Variants in CDS2 observed in about 807,000 individuals in gnomAD.
CDS2 encodes phosphatidate cytidylyltransferase 2.
A neutral mutation model predicts 59.0 loss-of-function variants in CDS2; 47 were observed. The ratio of observed to expected loss-of-function variants is 0.80; its 90% CI spans 0.63 to 1.02. The LOEUF is 1.02. Ranked by LOEUF, CDS2 falls within the 50% of genes least tolerant of loss-of-function variation. The pLI is 0.00. For synonymous variants in CDS2, 207 were observed against 206.4 expected (o/e 1.00, Z -0.02); for missense variants, 356 against 558.9 (o/e 0.64, Z 3.66).
At position 5,188,983 on chromosome 20, in the gene CDS2, T is replaced by A. The variant is rs2091091640; in HGVS notation, c.982-84T>A. ...CCTCCCAGTGAGGCCACAATGAGGA[T>A]CAAATTTCAACATGAGTTGACAACT... On this transcript the variant is annotated intron_variant, in intron 10 of 12. Transcript: ENST00000460006. The A allele has an allele frequency of 3.8e-6, 6 of 1,568,364 alleles. No homozygotes were observed. The Admixed American group carries it at 1.0e-4, about 26-fold the overall frequency.
Position 5,189,844 on chromosome 20 carries a change from G to T in CDS2, c.1205+6G>T, listed in dbSNP as rs201885771. Reference sequence around the variant, plus strand: ...TACATCGCCAGTTTTATCAGGTATAGTACCTTTCCATCTGAACCAAGTTGG... The same window carrying T: ...TACATCGCCAGTTTTATCAGGTATATTACCTTTCCATCTGAACCAAGTTGG... On this transcript the variant is annotated splice_donor_region_variant and intron_variant, in intron 12 of 12. Transcript: ENST00000460006. 1 of 1,602,924 alleles carries T rather than the reference G, an allele frequency of 6.2e-7. No individual in the cohort carries two copies. The highest frequency in any genetic ancestry group is 1.1e-5 in the South Asian group (1 of 90,232).
chr20:5,184,798 G>A lies in CDS2; in HGVS notation c.672-60G>A. 8.2e-7 allele frequency: 1 copy of A among 1,217,266 alleles called. No homozygotes were observed. Among genetic ancestry groups the A allele is most frequent in the South Asian group, 1.2e-5 (1 of 82,494 alleles). The allele number at this position is 1,217,266 out of a possible 1,614,324, so 75.4% of individuals were successfully genotyped here. On this transcript the variant is annotated intron_variant, in intron 7 of 12. Transcript: ENST00000460006. This position sits in a 1 kb window ranked among gnomAD's most constrained non-coding sequence, Gnocchi z 4.3. ...TGGAATTTAAGAATGGCACTATTTTGTGTACTTTTGAGGTACTGTCACCTT... is the reference window on the plus strand; with the variant it reads ...TGGAATTTAAGAATGGCACTATTTTATGTACTTTTGAGGTACTGTCACCTT...
rs1224044093 is a variant in CDS2 at position 5,178,877 on chromosome 20, C to T, written c.450C>T (p.Phe150=). The part of the protein sequence containing the change: ...FYGETVTDYF[F]TLVQREEPLR... Reference sequence around the variant, plus strand: ...GTGAGACAGTGACGGATTACTTCTTCACCCTGGTCCAGAGAGAAGAGCCTT... The same window carrying T: ...GTGAGACAGTGACGGATTACTTCTTTACCCTGGTCCAGAGAGAAGAGCCTT... Residue 150 remains phenylalanine, a synonymous_variant, in exon 5 of 13, where the codon TTC becomes TTT. Coordinates refer to ENST00000460006, the MANE Select transcript of CDS2 (RefSeq NM_003818.4). 2 of 1,614,072 alleles carry T rather than the reference C, an allele frequency of 1.2e-6. No homozygotes were observed. The highest frequency in any genetic ancestry group is 1.7e-5 in the Admixed American group (1 of 60,030).
In CDS2 at chr20:5,194,282, G is replaced by T; in HGVS notation, c.*4048G>T. 1 of 152,448 alleles carries T rather than the reference G, an allele frequency of 6.6e-6. No homozygotes were observed. The allele number at this position is 152,448 out of a possible 1,614,324, so 9.4% of individuals were successfully genotyped here. A position where few individuals can be genotyped will look rare whatever the true frequency, so the allele number is the denominator to read the frequency against. ...CTGACTCAGTTTCTCTTGTTGGGTGGGGGCCTTGTGCCACAACCTGCATGG... is the reference window on the plus strand; with the variant it reads ...CTGACTCAGTTTCTCTTGTTGGGTGTGGGCCTTGTGCCACAACCTGCATGG... On this transcript the variant is annotated 3_prime_UTR_variant, in exon 13 of 13. Transcript: ENST00000460006.
intron 8 of CDS2, 146 bp downstream of exon 8, chr20:5,185,091 A>G (rs2091057742): frequency 6.1e-6 from 4 of 660,798 alleles, no homozygotes; most frequent in Middle Eastern, 2.5e-4. Context: ...AGGCCAAAGG[A>G]AAACACTGAC....
intron 1 of CDS2, among the ~76,000 whole-genome samples, chr20:5,150,265 A>G (rs1219386047): frequency 6.6e-6 from 1 of 152,190 alleles, no homozygotes; most frequent in Non-Finnish European, 1.5e-5. Flanking sequence ...GTCCATTTCT[A>G]GAAACAGGCT....
intron 10 of CDS2, 63 bp downstream of exon 10, chr20:5,186,902 C>G (rs2123065630): frequency 1.3e-5 from 21 of 1,561,092 alleles, no homozygotes; most frequent in East Asian, 2.2e-5. Flanking sequence ...AGAGATCCCC[C>G]TCCATCACCT....
At chr20:5,171,347 G>A (rs2090954742) in intron 1 of CDS2, among the ~76,000 whole-genome samples, 1 of 152,206 alleles carries the variant, frequency 6.6e-6, no homozygotes, top group South Asian at 2.1e-4. Context: ...GGCTTTCTGT[G>A]TGTGAGTGCC....
At chr20:5,127,629 C>T (rs940317405) in intron 1 of CDS2, among the ~76,000 whole-genome samples, 3 of 152,182 alleles carry the variant, frequency 2.0e-5, no homozygotes, top group African/African-American at 7.2e-5. Context: ...TAAATCCCTT[C>T]TTGGGCATGA....
At position 5,197,515 on chromosome 20, in the gene CDS2, T is replaced by A. The variant is rs2091167469; in HGVS notation, c.*7281T>A. On this transcript the variant is annotated 3_prime_UTR_variant, in exon 13 of 13. Transcript: ENST00000460006. Reference sequence around the variant, plus strand: ...TTCTCCATGGTGCCTCCCACCCCTTTGTAAAGTGGATGGACATGATGGAAT... The same window carrying A: ...TTCTCCATGGTGCCTCCCACCCCTTAGTAAAGTGGATGGACATGATGGAAT... 1 of 152,136 alleles carries A rather than the reference T, an allele frequency of 6.6e-6. No homozygotes were observed. Among genetic ancestry groups the A allele is most frequent in the Non-Finnish European group, 1.5e-5 (1 of 68,052 alleles). 9.4% of individuals were successfully genotyped at this position (152,136 alleles called of 1,614,324 possible). A position where few individuals can be genotyped will look rare whatever the true frequency, so the allele number is the denominator to read the frequency against.
In CDS2 at chr20:5,127,112, G is replaced by C; in HGVS notation, c.20G>C (p.Arg7Thr). The change falls in exon 1 of 13, where the codon AGG (arginine) becomes ACG (threonine). Residue 7 changes from arginine (R) to threonine (T), a missense_variant. This residue lies in a region of CDS2 where 107 missense variants were observed against 129.7 expected (regional missense o/e 0.82). Transcript: ENST00000460006. MTELRQ[R>T]VAHEPVAPPE... ...CCCAGGATGACAGAGCTGAGGCAGAGGGTGGCCCATGAGCCGGTTGCGCCA... is the reference window on the plus strand; with the variant it reads ...CCCAGGATGACAGAGCTGAGGCAGACGGTGGCCCATGAGCCGGTTGCGCCA... 1 of 1,498,990 alleles carries C rather than the reference G, an allele frequency of 6.7e-7. No individual in the cohort carries two copies. Among genetic ancestry groups the C allele is most frequent in the African/African-American group, 1.5e-5 (1 of 68,786 alleles). The allele number at this position is 1,498,990 out of a possible 1,614,324, so 92.9% of individuals were successfully genotyped here.
chr20:5,158,586 A>C (rs934994905), intron 1 of CDS2, among the ~76,000 whole-genome samples: 2 of 152,164 alleles, frequency 1.3e-5, no homozygotes, highest in African/African-American at 2.4e-5. Context: ...CAAATGACAT[A>C]TTTTCAGGAT....
chr20:5,140,279 A>G (rs991770907), intron 1 of CDS2, among the ~76,000 whole-genome samples: 1 of 152,194 alleles, frequency 6.6e-6, no homozygotes, highest in Non-Finnish European at 1.5e-5. Context: ...GTATTCTTAG[A>G]TAAGTGCCTT....
chr20:5,128,268 G>C lies in CDS2; in HGVS notation c.57+1119G>C, dbSNP rs541658226. Reference sequence around the variant, plus strand: ...CAGGCTCACGGCTTCCCCTAATGCAGCCTGTAACTTTTTGATGACTGGACG... The same window carrying C: ...CAGGCTCACGGCTTCCCCTAATGCACCCTGTAACTTTTTGATGACTGGACG... On this transcript the variant is annotated intron_variant, in intron 1 of 12. Coordinates refer to ENST00000460006, the MANE Select transcript of CDS2 (RefSeq NM_003818.4). 4 of 152,316 alleles carry C rather than the reference G, an allele frequency of 2.6e-5. No individual in the cohort carries two copies. In the South Asian group the frequency reaches 8.3e-4, roughly 32 times the overall value. 9.4% of individuals were successfully genotyped at this position (152,316 alleles called of 1,614,324 possible).
intron 11 of CDS2, among the ~76,000 whole-genome samples, 174 bp downstream of exon 11, chr20:5,189,360 A>G (rs2091095091): frequency 6.6e-6 from 1 of 152,122 alleles, no homozygotes; most frequent in Non-Finnish European, 1.5e-5. Flanking sequence ...TTTCAGGAAA[A>G]TGCAATCGTT....
chr20:5,158,308 T>G (rs2090849804), intron 1 of CDS2, among the ~76,000 whole-genome samples: 1 of 152,104 alleles, frequency 6.6e-6, no homozygotes, highest in Admixed American at 6.5e-5. Context: ...TAGCTGGGAT[T>G]ACAGGCACCT....
intron 6 of CDS2, 130 bp from the exon 7 acceptor site, chr20:5,182,931 A>G: frequency 1.4e-5 from 10 of 715,744 alleles, no homozygotes; most frequent in South Asian, 5.2e-5. Flanking sequence ...TTCACTTTCA[A>G]TAAGTCAGAT....
At chr20:5,146,352 G>T (rs564555455) in intron 1 of CDS2, among the ~76,000 whole-genome samples, 5 of 152,312 alleles carry the variant, frequency 3.3e-5, no homozygotes, top group Admixed American at 3.3e-4. Flanking sequence ...TGAAGCAGAG[G>T]AGTCAGGGAA....
Position 5,194,909 on chromosome 20 carries a change from A to G in CDS2, c.*4675A>G, listed in dbSNP as rs1385963728. On this transcript the variant is annotated 3_prime_UTR_variant, in exon 13 of 13. Coordinates refer to ENST00000460006, the MANE Select transcript of CDS2 (RefSeq NM_003818.4). ...GCCAGGCATAGTGCTAAGGGTTTAC[A>G]TACGTTATCCCTTTTAATCCAGAAA... 2 of 152,316 alleles carry G rather than the reference A, an allele frequency of 1.3e-5. No homozygotes were observed. The highest frequency in any genetic ancestry group is 3.9e-4 in the East Asian group (2 of 5,186). The allele number at this position is 152,316 out of a possible 1,614,324, so 9.4% of individuals were successfully genotyped here. A position where few individuals can be genotyped will look rare whatever the true frequency, so the allele number is the denominator to read the frequency against.
Sources: allele counts gnomAD v4.1 joint callset (sites outside exome capture counted in the v4.1 genomes callset), GRCh38; gene constraint gnomAD v4.1.1; regional missense constraint gnomAD v4.1.1; non-coding constraint Gnocchi (gnomAD v3.1); transcripts MANE v1.5; gene names NCBI Gene and HGNC (gene_info 2026-07-23, HGNC 2026-07-21).